Variants in CDKN2AIPNL observed in about 807,000 individuals in gnomAD.
CDKN2AIPNL encodes CDKN2AIP N-terminal-like protein.
CDKN2AIPNL carries 9 observed loss-of-function variants against 12.9 expected under a neutral mutation model. The ratio of observed to expected loss-of-function variants is 0.70; its 90% CI spans 0.42 to 1.22. The LOEUF (loss-of-function observed/expected upper bound fraction) is 1.22. Among genes scored for constraint, CDKN2AIPNL ranks in the 50% most tolerant of loss-of-function variants. The pLI is 0.00. For synonymous variants in CDKN2AIPNL, 53 were observed against 61.7 expected, an observed-to-expected ratio of 0.86 and a Z score of 0.66; for missense variants, 143 against 153.6, an observed-to-expected ratio of 0.93 and a Z score of 0.37.
At chr5:134,407,873 C>T (rs939730551) in intron 2 of CDKN2AIPNL, among the ~76,000 whole-genome samples, 5 of 152,042 alleles carry the variant, frequency 3.3e-5, no homozygotes, top group Non-Finnish European at 7.4e-5. Context: ...CAGTGGCTCA[C>T]GCCTGTAATC....
At position 134,409,933 on chromosome 5, in the gene CDKN2AIPNL, TTG is replaced by T; in HGVS notation, c.307_308del (p.Gln103IlefsTer6). On this transcript the variant is annotated frameshift_variant, in exon 2 of 3. Coordinates refer to ENST00000458198, the MANE Select transcript of CDKN2AIPNL (RefSeq NM_080656.3). LOFTEE classifies it high-confidence loss of function. ...TCATTAATTCACTTCTGGTAGTAAATTGTGGCAGGTCTTCCACTTCAATCCCA... is the reference window on the plus strand; with the variant it reads ...TCATTAATTCACTTCTGGTAGTAAATTGGCAGGTCTTCCACTTCAATCCCA... ...ADGIEVEDLP[Q>X]FTTRSELMKK... The T allele has an allele frequency of 6.2e-7, 1 of 1,611,970 alleles. No homozygotes were observed. Among genetic ancestry groups the T allele is most frequent in the Non-Finnish European group, 8.5e-7 (1 of 1,179,484 alleles).
chr5:134,407,031 G>T (rs1054675035), intron 2 of CDKN2AIPNL, among the ~76,000 whole-genome samples: 1 of 152,144 alleles, frequency 6.6e-6, no homozygotes, highest in South Asian at 2.1e-4. Context: ...ATTCAAAAAT[G>T]CTATAGAAGT....
intron 1 of CDKN2AIPNL, 90 bp downstream of exon 1, chr5:134,411,526 G>A: frequency 1.7e-6 from 2 of 1,145,882 alleles, no homozygotes; most frequent in Non-Finnish European, 2.5e-6. Context: ...TCAGTCTGGG[G>A]CAGAGGTTCG....
At chr5:134,405,663 C>T (rs1428609951) in intron 2 of CDKN2AIPNL, among the ~76,000 whole-genome samples, 1 of 152,166 alleles carries the variant, frequency 6.6e-6, no homozygotes, top group Non-Finnish European at 1.5e-5. Flanking sequence ...GACCTGCCTG[C>T]CTCGGCCTCC....
chr5:134,404,489 AGTT>A (rs1759072301), intron 2 of CDKN2AIPNL, among the ~76,000 whole-genome samples: 1 of 152,120 alleles, frequency 6.6e-6, no homozygotes, highest in African/African-American at 2.4e-5. Flanking sequence ...ATGCCCAGGT[AGTT>A]TTTATTTTAT....
intron 1 of CDKN2AIPNL, 67 bp from the exon 2 acceptor site, chr5:134,410,069 G>T: frequency 8.9e-7 from 1 of 1,119,452 alleles, no homozygotes; most frequent in Admixed American, 2.0e-5. Flanking sequence ...ATAAGAAACT[G>T]CAGGTTGCTC....
intron 2 of CDKN2AIPNL, among the ~76,000 whole-genome samples, chr5:134,409,674 G>T (rs1326919871): frequency 6.6e-6 from 1 of 152,174 alleles, no homozygotes; most frequent in South Asian, 2.1e-4. Context: ...ACAACCGGAA[G>T]AGGTTAAGCT....
chr5:134,409,858 TAACTC>T (rs1222946295), intron 2 of CDKN2AIPNL, 40 bp downstream of exon 2: 19 of 1,285,440 alleles, frequency 1.5e-5, no homozygotes, highest in Non-Finnish European at 1.9e-5. Context: ...CAGGGACTGT[TAACTC>T]TACACCATTT....
intron 2 of CDKN2AIPNL, among the ~76,000 whole-genome samples, chr5:134,404,905 C>G (rs1032173434): frequency 6.6e-6 from 1 of 152,152 alleles, no homozygotes; most frequent in African/African-American, 2.4e-5. Context: ...CTTGCCTCAG[C>G]CTCAAGAGTA....
chr5:134,405,352 G>A (rs371182533), intron 2 of CDKN2AIPNL, among the ~76,000 whole-genome samples: 17 of 151,104 alleles, frequency 1.1e-4, no homozygotes, highest in Admixed American at 2.6e-4. Flanking sequence ...TGATCCGCCC[G>A]CCTCGGCCTC....
intron 1 of CDKN2AIPNL, 80 bp from the exon 2 acceptor site, chr5:134,410,082 C>T: frequency 1.0e-6 from 1 of 966,122 alleles, no homozygotes; most frequent in Non-Finnish European, 1.6e-6. Flanking sequence ...GGTTGCTCAA[C>T]TATAAAATCA....
At chr5:134,409,864 T>C (rs1471715436) in intron 2 of CDKN2AIPNL, 39 bp downstream of exon 2, 1 of 1,351,334 alleles carries the variant, frequency 7.4e-7, no homozygotes, top group Non-Finnish European at 1.1e-6. Flanking sequence ...CTGTTAACTC[T>C]ACACCATTTC....
intron 2 of CDKN2AIPNL, among the ~76,000 whole-genome samples, chr5:134,408,558 G>A (rs1336483294): frequency 6.7e-6 from 1 of 148,952 alleles, no homozygotes; most frequent in Non-Finnish European, 1.5e-5. Flanking sequence ...GGTGGCAGGC[G>A]CCTGTAGTCC....
At chr5:134,408,130 A>G (rs1759132911) in intron 2 of CDKN2AIPNL, among the ~76,000 whole-genome samples, 1 of 151,572 alleles carries the variant, frequency 6.6e-6, no homozygotes, top group Non-Finnish European at 1.5e-5. Context: ...GCCTCTATCT[A>G]AAAAATAAAT....
intron 1 of CDKN2AIPNL, 32 bp downstream of exon 1, chr5:134,411,584 G>A (rs1018969600): frequency 6.3e-7 from 1 of 1,581,002 alleles, no homozygotes. Flanking sequence ...GAAGATAGGG[G>A]ACAGGATCAG....
chr5:134,410,499 G>A (rs1453982494), intron 1 of CDKN2AIPNL: 1 of 162,344 alleles, frequency 6.2e-6, no homozygotes, highest in Non-Finnish European at 1.4e-5. Flanking sequence ...TCAAGATTTA[G>A]AAGAACAGAG....
rs748608758 is a variant in CDKN2AIPNL at position 134,411,748 on chromosome 5, T to G, written c.107A>C (p.Gln36Pro). Reference protein sequence around the residue: ...QFRSYSESEKQWKARMEFILR... With the variant: ...QFRSYSESEKPWKARMEFILR... ...GATGAATTCCATGCGGGCCTTCCAT[T>G]GCTTCTCGCTCTCTGAGTAGGAGCG... is the stretch of plus-strand genomic sequence containing the variant. Residue 36 changes from glutamine to proline, a missense_variant, in exon 1 of 3, where the codon CAA becomes CCA. Transcript: ENST00000458198. 6.2e-7 allele frequency: 1 copy of G among 1,612,798 alleles called. No individual in the cohort carries two copies. The highest frequency in any genetic ancestry group is 1.1e-5 in the South Asian group (1 of 90,846).
At chr5:134,409,819 CAATATACTCT>C in intron 2 of CDKN2AIPNL, 74 bp downstream of exon 2, 2 of 822,282 alleles carry the variant, frequency 2.4e-6, no homozygotes, top group South Asian at 3.4e-5. Context: ...CATTCAAAAA[CAATATACTCT>C]AATATAGTGT....
At chr5:134,403,687 C>T (rs1189582187) in intron 2 of CDKN2AIPNL, among the ~76,000 whole-genome samples, 3 of 152,200 alleles carry the variant, frequency 2.0e-5, no homozygotes, top group African/African-American at 2.4e-5. Context: ...TGCAGTGGCA[C>T]GATCTTGGCT....
Sources: allele counts gnomAD v4.1 joint callset (sites outside exome capture counted in the v4.1 genomes callset), GRCh38; gene constraint gnomAD v4.1.1; transcripts MANE v1.5; gene names NCBI Gene and HGNC (gene_info 2026-07-23, HGNC 2026-07-21).